Variants in SLC25A48 observed in about 807,000 individuals in gnomAD.
SLC25A48 encodes the protein solute carrier family 25 member 48.
Under a neutral mutation model 32.2 loss-of-function variants are expected in SLC25A48, and 29 were observed. The ratio of observed to expected loss-of-function variants is 0.90; its 90% CI spans 0.67 to 1.23. The LOEUF is 1.23. Among genes scored for constraint, SLC25A48 ranks in the 50% most tolerant of loss-of-function variants. The pLI is 0.00. For synonymous variants in SLC25A48, 164 were observed against 172.3 expected, an observed-to-expected ratio of 0.95 and a Z score of 0.38; for missense variants, 399 against 422.7, an observed-to-expected ratio of 0.94 and a Z score of 0.49.
At chr5:135,745,791 G>A (rs7379088) in intron 3 of SLC25A48, among the ~76,000 whole-genome samples, 39,426 of 151,960 alleles carry the variant, frequency 0.26, 5,429 homozygotes, top group East Asian at 0.46. Context: ...CTACGAGGCG[G>A]TCAACACACT....
chr5:135,794,024 A>G (rs866176655), intron 3 of SLC25A48, among the ~76,000 whole-genome samples: 3 of 151,730 alleles, frequency 2.0e-5, no homozygotes, highest in Admixed American at 6.6e-5. Flanking sequence ...TTCAGGGGGG[A>G]AATTATATTA....
chr5:135,685,438 T>C (rs1248820210), intron 3 of SLC25A48, among the ~76,000 whole-genome samples: 2 of 149,678 alleles, frequency 1.3e-5, no homozygotes, highest in African/African-American at 4.9e-5. Flanking sequence ...GGACTTTTTT[T>C]TTTTTTTTTT....
intron 4 of SLC25A48, among the ~76,000 whole-genome samples, chr5:135,865,675 C>T (rs1417930158): frequency 6.6e-6 from 1 of 152,080 alleles, no homozygotes; most frequent in East Asian, 1.9e-4. Context: ...TCAGGAAACT[C>T]ACCGCCACAC....
chr5:135,581,274 G>A (rs1477625924), intron 1 of SLC25A48, among the ~76,000 whole-genome samples: 1 of 152,184 alleles, frequency 6.6e-6, no homozygotes, highest in African/African-American at 2.4e-5. Context: ...TGGACATTTG[G>A]ATTGTTTTCA....
At chr5:135,716,603 T>C (rs1754805122) in intron 3 of SLC25A48, among the ~76,000 whole-genome samples, 1 of 152,178 alleles carries the variant, frequency 6.6e-6, no homozygotes, top group South Asian at 2.1e-4. Flanking sequence ...TGTTTCCTCT[T>C]CAAGAGGTTT....
At position 135,788,121 on chromosome 5, in the gene SLC25A48, G is replaced by A. The variant is rs1296553712; in HGVS notation, c.-520-24402G>A. The stretch of plus-strand genomic sequence containing the variant: ...ACGGTGATATTGCTCCCCATGTGGC[G>A]AGGGGTGTACATTCCCCTGGCATAT... On this transcript the variant is annotated intron_variant, in intron 3 of 10. Coordinates refer to the SLC25A48 transcript ENST00000646290. Among the ~76,000 whole-genome samples the A allele has an allele frequency of 5.3e-5, 8 of 151,470 alleles. No homozygotes were observed. The South Asian group carries it at 6.3e-4, about 12-fold the overall frequency.
chr5:135,762,533 T>C (rs1209490987), intron 3 of SLC25A48, among the ~76,000 whole-genome samples: 1 of 152,100 alleles, frequency 6.6e-6, no homozygotes, highest in Admixed American at 6.6e-5. Flanking sequence ...CATTGCTGGG[T>C]ATTATTATAG....
chr5:135,641,981 A>G (rs190838635), intron 3 of SLC25A48, among the ~76,000 whole-genome samples: 1 of 152,338 alleles, frequency 6.6e-6, no homozygotes, highest in Admixed American at 6.5e-5. Context: ...ATGGCTTTAC[A>G]TATTTTTCTG....
At chr5:135,656,473 C>A (rs890733211) in intron 3 of SLC25A48, among the ~76,000 whole-genome samples, 4 of 152,168 alleles carry the variant, frequency 2.6e-5, no homozygotes, top group African/African-American at 9.7e-5. Flanking sequence ...TCCCAGGACA[C>A]TGGACCTTGC....
intron 3 of SLC25A48, among the ~76,000 whole-genome samples, chr5:135,769,687 T>G (rs999772496): frequency 1.3e-5 from 2 of 149,828 alleles, no homozygotes; most frequent in African/African-American, 4.9e-5. Context: ...CACCCCCATG[T>G]GATAATTGTT....
chr5:135,873,487 A>G (rs924753316), intron 5 of SLC25A48, among the ~76,000 whole-genome samples: 2 of 152,056 alleles, frequency 1.3e-5, no homozygotes, highest in African/African-American at 4.8e-5. Flanking sequence ...TGCAACCCCC[A>G]GGCTGGCCCT....
chr5:135,663,579 A>G (rs948380783), intron 3 of SLC25A48, among the ~76,000 whole-genome samples: 1 of 152,254 alleles, frequency 6.6e-6, no homozygotes, highest in Non-Finnish European at 1.5e-5. Context: ...ATATAGTGAT[A>G]CATTTAAAAA....
chr5:135,728,193 T>C lies in SLC25A48; in HGVS notation c.-520-84330T>C, dbSNP rs1359676841. Among the ~76,000 whole-genome samples the C allele has an allele frequency of 5.3e-5, 8 of 150,944 alleles. No homozygotes were observed. In the East Asian group the frequency reaches 1.6e-3, roughly 29 times the overall value. On this transcript the variant is annotated intron_variant, in intron 3 of 10. Coordinates refer to the SLC25A48 transcript ENST00000646290. ...ATAAGTGGAACCCAGGAGGCGGAGG[T>C]TGCAGTGGGCTGAGATCGCGCCACT...
chr5:135,789,322 A>T (rs1209663335), intron 3 of SLC25A48, among the ~76,000 whole-genome samples: 2 of 150,550 alleles, frequency 1.3e-5, no homozygotes, highest in East Asian at 3.9e-4. Context: ...AAAGGGTGGT[A>T]TTACTCCCCA....
intron 3 of SLC25A48, among the ~76,000 whole-genome samples, chr5:135,696,182 A>C (rs2126962130): frequency 6.6e-6 from 1 of 152,352 alleles, no homozygotes; most frequent in East Asian, 1.9e-4. Context: ...TGTCAGCAGA[A>C]TGCATTGCAG....
chr5:135,879,898 C>A, intron 6 of SLC25A48, 70 bp from the exon 7 acceptor site: 1 of 1,514,530 alleles, frequency 6.6e-7, no homozygotes, highest in Non-Finnish European at 8.8e-7. Context: ...TAGCTATTCT[C>A]TGCCCCTCCT....
intron 1 of SLC25A48, among the ~76,000 whole-genome samples, chr5:135,589,547 C>T (rs1005202785): frequency 5.9e-5 from 9 of 152,296 alleles, no homozygotes; most frequent in South Asian, 2.1e-4. Context: ...GTAACATTTA[C>T]GGGCCTCTGT....
chr5:135,631,864 G>T (rs985839543), intron 2 of SLC25A48, among the ~76,000 whole-genome samples: 1 of 152,180 alleles, frequency 6.6e-6, no homozygotes, highest in African/African-American at 2.4e-5. Context: ...AATTTAAATG[G>T]GTGTAACTTC....
At chr5:135,884,324 G>A (rs1045559151) in intron 7 of SLC25A48, among the ~76,000 whole-genome samples, 1 of 152,206 alleles carries the variant, frequency 6.6e-6, no homozygotes, top group Non-Finnish European at 1.5e-5. Flanking sequence ...TGTTACTGGA[G>A]CGGAGGGTTC....
Sources: allele counts gnomAD v4.1 joint callset (sites outside exome capture counted in the v4.1 genomes callset), GRCh38; gene constraint gnomAD v4.1.1; transcripts MANE v1.5; gene names NCBI Gene and HGNC (gene_info 2026-07-23, HGNC 2026-07-21).